Variants in ZNF33B observed in about 807,000 individuals in gnomAD.
ZNF33B encodes the protein zinc finger protein 11b (KOX 2).
ZNF33B carries 29 observed loss-of-function variants against 45.8 expected under a neutral mutation model. That is an observed-to-expected ratio of 0.63 (90% CI 0.47 to 0.86). The LOEUF (loss-of-function observed/expected upper bound fraction) is 0.86. Among genes scored for constraint, ZNF33B ranks in the 40% least tolerant of loss-of-function variants. ZNF33B has a pLI of 0.00. For synonymous variants in ZNF33B, 305 were observed against 307.8 expected (o/e 0.99, Z 0.10); for missense variants, 831 against 909.9 (o/e 0.91, Z 1.12).
intron 1 of ZNF33B, chr10:42,583,424 A>G: frequency 3.1e-6 from 1 of 324,070 alleles, no homozygotes; most frequent in Non-Finnish European, 6.1e-6. Context: ...TAAATTTGGA[A>G]GTGGTATTGC....
chr10:42,614,325 G>A (rs1589050150), intron 4 of ZNF33B: 1 of 154,334 alleles, frequency 6.5e-6, no homozygotes, highest in Non-Finnish European at 1.5e-5. Context: ...CCAAAACAAG[G>A]AAAGTCTGGG....
chr10:42,580,285 G>C (rs373654771), intron 1 of ZNF33B, among the ~76,000 whole-genome samples: 29 of 152,204 alleles, frequency 1.9e-4, no homozygotes, highest in African/African-American at 6.3e-4. Context: ...CTGTCACCCA[G>C]GCTGGAGTGC....
chr10:42,588,289 G>C (rs910873342), downstream of ZNF33B, among the ~76,000 whole-genome samples: 3 of 152,226 alleles, frequency 2.0e-5, no homozygotes, highest in African/African-American at 7.2e-5. Flanking sequence ...GATGGGAAGA[G>C]ATGTGACACT....
rs779035178 is a variant in ZNF33B, at chr10:42,594,676, T to C, written c.274A>G (p.Lys92Glu). 1.3e-6 allele frequency: 2 copies of C among 1,587,600 alleles called. No homozygotes were observed. ...GATTGATTTTCTTGGCTCCTCTCTT[T>C]CAGGTGATCAGCTGTCCAGACTTCT... ...FPEVWTADHLKERSQENQSKH... is the reference protein window; with the variant it reads ...FPEVWTADHLEERSQENQSKH... Residue 92 changes from lysine (K) to glutamate (E), a missense_variant, in exon 5 of 5, where the codon AAA (lysine) becomes GAA (glutamate). Physicochemically the swap from Lys to Glu is moderately conservative, Grantham distance 56 (BLOSUM62 1). Transcript: ENST00000359467.
At chr10:42,604,700 G>A (rs138387567) in intron 4 of ZNF33B, among the ~76,000 whole-genome samples, 16 of 152,214 alleles carry the variant, frequency 1.1e-4, no homozygotes, top group Admixed American at 7.2e-4. Context: ...ATCACCTGAC[G>A]TCTAGGAGTT....
chr10:42,582,545 AC>A (rs1836847151), intron 1 of ZNF33B: 1 of 152,714 alleles, frequency 6.5e-6, no homozygotes, highest in Admixed American at 6.5e-5. Flanking sequence ...GAGTGGACAC[AC>A]ACCCATCGGC....
chr10:42,631,340 G>A (rs189170130), intron 4 of ZNF33B, among the ~76,000 whole-genome samples: 199 of 152,100 alleles, frequency 1.3e-3, no homozygotes, highest in African/African-American at 4.4e-3. Flanking sequence ...CAAGTAGCTG[G>A]GATTACAGGC....
At chr10:42,621,492 G>A (rs559242102) in intron 4 of ZNF33B, among the ~76,000 whole-genome samples, 10 of 151,612 alleles carry the variant, frequency 6.6e-5, no homozygotes, top group Non-Finnish European at 1.3e-4. Context: ...GACCAAGGGG[G>A]ACTTATCCTG....
intron 1 of ZNF33B, chr10:42,578,791 GATGA>G (rs1225370910): frequency 6.6e-6 from 1 of 152,260 alleles, no homozygotes; most frequent in African/African-American, 2.4e-5. Flanking sequence ...CAGTGACCCA[GATGA>G]ATGGAGATGT....
At chr10:42,622,867 A>G (rs527804760) in intron 4 of ZNF33B, among the ~76,000 whole-genome samples, 1 of 152,358 alleles carries the variant, frequency 6.6e-6, no homozygotes, top group South Asian at 2.1e-4. Context: ...AATAAGAGCT[A>G]AAACAATAAA....
Position 42,591,526 on chromosome 10 carries a change from C to T in ZNF33B, c.*1087G>A, listed in dbSNP as rs1753288002. The T allele has an allele frequency of 2.6e-6, 1 of 379,744 alleles. No individual in the cohort carries two copies. Among genetic ancestry groups the T allele is most frequent in the Non-Finnish European group, 3.6e-6 (1 of 276,628 alleles). 23.5% of individuals were successfully genotyped at this position (379,744 alleles called of 1,614,324 possible). A position where few individuals can be genotyped will look rare whatever the true frequency, so the allele number is the denominator to read the frequency against. On this transcript the variant is annotated 3_prime_UTR_variant, in exon 5 of 5. Coordinates refer to ENST00000359467, the MANE Select transcript of ZNF33B (RefSeq NM_006955.3). The stretch of plus-strand genomic sequence containing the variant: ...AAATTGTTTCAGGACACGACAAACA[C>T]CTGGGATGGGCCTGATGAAGTAACC...
At chr10:42,605,098 G>A (rs541457956) in intron 4 of ZNF33B, 1 of 151,888 alleles carries the variant, frequency 6.6e-6, no homozygotes, top group South Asian at 2.1e-4. Context: ...ATTCATAATA[G>A]AAGTACCAGA....
intron 4 of ZNF33B, among the ~76,000 whole-genome samples, chr10:42,611,572 C>T (rs1418412423): frequency 6.6e-6 from 1 of 152,076 alleles, no homozygotes; most frequent in East Asian, 1.9e-4. Context: ...ACCAAAAATA[C>T]AAGCAACAAA....
chr10:42,579,784 C>G (rs1021167635), intron 1 of ZNF33B: 1 of 154,374 alleles, frequency 6.5e-6, no homozygotes, highest in Non-Finnish European at 1.5e-5. Flanking sequence ...ATTGTTTAAG[C>G]AGAACTCCTA....
chr10:42,591,025 C>A lies in ZNF33B; in HGVS notation c.*1588G>T, dbSNP rs1025208207. The A allele has an allele frequency of 5.5e-6, 1 of 182,100 alleles. No homozygotes were observed. Among genetic ancestry groups the A allele is most frequent in the Non-Finnish European group, 1.0e-5 (1 of 95,512 alleles). 11.3% of individuals were successfully genotyped at this position (182,100 alleles called of 1,614,324 possible). ...ATCTAGGGTCACCAGACTGTAAAAT[C>A]TTAGATTATTTGTATGATCTGATCA... On this transcript the variant is annotated 3_prime_UTR_variant, in exon 5 of 5. Coordinates refer to ENST00000359467, the MANE Select transcript of ZNF33B (RefSeq NM_006955.3).
At chr10:42,575,950 T>A (rs775188775) in intron 1 of ZNF33B, among the ~76,000 whole-genome samples, 9 of 115,848 alleles carry the variant, frequency 7.8e-5, no homozygotes, top group Non-Finnish European at 1.4e-4. Flanking sequence ...TGGAGTGCAA[T>A]GACAGGATCT....
downstream of ZNF33B, among the ~76,000 whole-genome samples, chr10:42,586,306 AC>A: frequency 6.6e-6 from 1 of 151,364 alleles, no homozygotes. Flanking sequence ...GGTGCCTGCC[AC>A]CACGCCTGGC....
intron 1 of ZNF33B, among the ~76,000 whole-genome samples, chr10:42,576,854 C>T (rs1049140000): frequency 3.3e-5 from 5 of 151,894 alleles, no homozygotes; most frequent in African/African-American, 9.7e-5. Context: ...AGTCCAGGGC[C>T]GGGCGCCGTG....
rs368727867 is a variant in ZNF33B, at chr10:42,577,056, C to T, written c.74-2378G>A. ...GCTGAGACAGGAGAATTGCTTGAAC[C>T]CGGGAGGTGGTGGTTGCAGTGAGCT... On this transcript the variant is annotated intron_variant, in intron 1 of 1. Transcript: ENST00000462075. Among the ~76,000 whole-genome samples the T allele has an allele frequency of 2.7e-5, 4 of 148,456 alleles. No homozygotes were observed. In the East Asian group the frequency reaches 6.2e-4, roughly 23 times the overall value.
Sources: allele counts gnomAD v4.1 joint callset (sites outside exome capture counted in the v4.1 genomes callset), GRCh38; gene constraint gnomAD v4.1.1; transcripts MANE v1.5; gene names NCBI Gene and HGNC (gene_info 2026-07-23, HGNC 2026-07-21).